The following PRKAR2B variants were observed in gnomAD, a reference collection of about 807,000 sequenced individuals.
PRKAR2B encodes the protein cAMP-dependent protein kinase type II-beta regulatory subunit.
PRKAR2B carries 14 observed loss-of-function variants against 49.9 expected under a neutral mutation model. The observed-to-expected ratio is 0.28, with a 90% CI of 0.19 to 0.44. The LOEUF is 0.44. Among genes scored for constraint, PRKAR2B ranks in the 20% least tolerant of loss-of-function variants. The pLI is 1.00. For synonymous variants in PRKAR2B, 196 were observed against 197.7 expected, an observed-to-expected ratio of 0.99 and a Z score of 0.07; for missense variants, 393 against 537.9, an observed-to-expected ratio of 0.73 and a Z score of 2.67.
chr7:107,077,814 C>T (rs1794428379), intron 2 of PRKAR2B: 1 of 152,168 alleles, frequency 6.6e-6, no homozygotes, highest in Non-Finnish European at 1.5e-5. Flanking sequence ...CCTTAGTTAC[C>T]TTTCTAAGGC....
At chr7:107,142,395 T>C (rs1795804857) in intron 5 of PRKAR2B, among the ~76,000 whole-genome samples, 1 of 152,106 alleles carries the variant, frequency 6.6e-6, no homozygotes. Context: ...TTTTATATCA[T>C]TAATAGCTAT....
chr7:107,082,765 T>C (rs1175415172), intron 2 of PRKAR2B, among the ~76,000 whole-genome samples: 1 of 149,758 alleles, frequency 6.7e-6, no homozygotes, highest in Non-Finnish European at 1.5e-5. Context: ...AGCTAATTTT[T>C]TTTGTATTTT....
intron 2 of PRKAR2B, among the ~76,000 whole-genome samples, chr7:107,074,278 A>G (rs1794348272): frequency 1.3e-5 from 2 of 151,278 alleles, no homozygotes; most frequent in Admixed American, 1.3e-4. Context: ...TAATTTTTGT[A>G]TTTTTAGTAG....
At chr7:107,132,297 G>A (rs1033789304) in intron 4 of PRKAR2B, among the ~76,000 whole-genome samples, 2 of 152,182 alleles carry the variant, frequency 1.3e-5, no homozygotes, top group African/African-American at 2.4e-5. Context: ...TATCAGGAAG[G>A]CCCATTCTTT....
At chr7:107,073,143 C>A (rs1433082693) in intron 2 of PRKAR2B, among the ~76,000 whole-genome samples, 1 of 152,134 alleles carries the variant, frequency 6.6e-6, no homozygotes. Flanking sequence ...ATTCATACTG[C>A]ATCTATCAAA....
At chr7:107,139,684 T>C (rs1795757684) in intron 4 of PRKAR2B, among the ~76,000 whole-genome samples, 1 of 152,192 alleles carries the variant, frequency 6.6e-6, no homozygotes, top group Non-Finnish European at 1.5e-5. Flanking sequence ...CCTGAAACTC[T>C]CTCATCCATC....
intron 1 of PRKAR2B, among the ~76,000 whole-genome samples, chr7:107,059,984 A>G (rs1294020818): frequency 1.3e-5 from 2 of 152,200 alleles, no homozygotes; most frequent in South Asian, 2.1e-4. Flanking sequence ...GCCATCTTCT[A>G]TCATACCAGA....
At chr7:107,147,298 C>T (rs61297311) in intron 6 of PRKAR2B, among the ~76,000 whole-genome samples, 2,985 of 152,082 alleles carry the variant, frequency 0.02, 98 homozygotes, top group African/African-American at 0.067. Flanking sequence ...GGCGACAGAG[C>T]GAGACTCTGT....
At chr7:107,151,127 A>T (rs577431532) in intron 7 of PRKAR2B, 104 bp downstream of exon 7, 1 of 600,302 alleles carries the variant, frequency 1.7e-6, no homozygotes, top group South Asian at 3.6e-5. Context: ...AAAAAAATCT[A>T]TCCATGTTTT....
chr7:107,046,883 T>C (rs911843590), intron 1 of PRKAR2B, among the ~76,000 whole-genome samples: 15 of 152,156 alleles, frequency 9.9e-5, no homozygotes, highest in Non-Finnish European at 2.2e-4. Context: ...TCAAAATATT[T>C]TGTTTGTATA....
chr7:107,074,956 T>C (rs923200395), intron 2 of PRKAR2B, among the ~76,000 whole-genome samples: 7 of 152,120 alleles, frequency 4.6e-5, no homozygotes, highest in Non-Finnish European at 1.0e-4. Flanking sequence ...TTGTACTGAC[T>C]AGAGTTTTCC....
intron 2 of PRKAR2B, among the ~76,000 whole-genome samples, chr7:107,099,713 A>ACTCCAAC (rs1393409835): frequency 6.8e-6 from 1 of 147,752 alleles, no homozygotes; most frequent in Admixed American, 6.8e-5. Flanking sequence ...ATCTCAGCTC[A>ACTCCAAC]CTCCAACCTC....
intron 7 of PRKAR2B, among the ~76,000 whole-genome samples, chr7:107,152,661 A>G (rs1232790877): frequency 1.3e-5 from 2 of 152,270 alleles, no homozygotes; most frequent in Non-Finnish European, 2.9e-5. Context: ...TAAAATGGCA[A>G]GTGTCAAAAC....
At position 107,122,403 on chromosome 7, in the gene PRKAR2B, A is replaced by G. The variant is rs574732547; in HGVS notation, c.396+399A>G. On this transcript the variant is annotated intron_variant, in intron 3 of 10. Transcript: ENST00000265717. ...GTAAAATCACATCCAGTGTGTCAGT[A>G]CAGCAGTTAGGATTATTTTTTAAAT... is the stretch of plus-strand genomic sequence containing the variant. 3.3e-5 allele frequency among the ~76,000 whole-genome samples: 5 copies of G among 152,326 alleles called. No homozygotes were observed. The South Asian group carries it at 1.0e-3, about 32-fold the overall frequency.
chr7:107,092,850 C>T (rs1171392951), intron 2 of PRKAR2B, among the ~76,000 whole-genome samples: 1 of 152,164 alleles, frequency 6.6e-6, no homozygotes. Context: ...CAAACTGAAA[C>T]TCCGTACCTG....
At position 107,161,018 on chromosome 7, in the gene PRKAR2B, G is replaced by C. The variant is rs1796189092; in HGVS notation, c.*1436G>C. The C allele has an allele frequency of 6.6e-6, 1 of 152,108 alleles. No homozygotes were observed. Among genetic ancestry groups the C allele is most frequent in the Admixed American group, 6.6e-5 (1 of 15,260 alleles). The allele number at this position is 152,108 out of a possible 1,614,324, so 9.4% of individuals were successfully genotyped here. ...GTTTCAAATGAATATATATACATGG[G>C]TAAAATTACTCTGTGCTAGTGTAGT... On this transcript the variant is annotated 3_prime_UTR_variant, in exon 11 of 11. Coordinates refer to ENST00000265717, the MANE Select transcript of PRKAR2B (RefSeq NM_002736.3).
intron 2 of PRKAR2B, among the ~76,000 whole-genome samples, chr7:107,111,578 G>A (rs1258448944): frequency 6.6e-6 from 1 of 152,140 alleles, no homozygotes; most frequent in Non-Finnish European, 1.5e-5. Flanking sequence ...GAGAACAAGA[G>A]TCTCTGCCTG....
At chr7:107,088,567 A>G (rs1794663727) in intron 2 of PRKAR2B, among the ~76,000 whole-genome samples, 2 of 152,002 alleles carry the variant, frequency 1.3e-5, no homozygotes, top group South Asian at 4.1e-4. Context: ...TTTACTCCTC[A>G]TGTGATTCTC....
chr7:107,069,390 A>G (rs999298690), intron 1 of PRKAR2B, among the ~76,000 whole-genome samples: 6 of 152,200 alleles, frequency 3.9e-5, no homozygotes, highest in African/African-American at 1.4e-4. Flanking sequence ...TACTTGACCT[A>G]GTGTTTCCAT....
Sources: allele counts gnomAD v4.1 joint callset (sites outside exome capture counted in the v4.1 genomes callset), GRCh38; gene constraint gnomAD v4.1.1; transcripts MANE v1.5; gene names NCBI Gene and HGNC (gene_info 2026-07-23, HGNC 2026-07-21).